The following UQCRFS1 variants were observed in gnomAD, a reference collection of about 807,000 sequenced individuals.
UQCRFS1 encodes ubiquinol-cytochrome c reductase, Rieske iron-sulfur polypeptide 1, also known as cytochrome b-c1 complex subunit Rieske, mitochondrial.
Under a neutral mutation model 15.6 loss-of-function variants are expected in UQCRFS1, and 6 were observed. That is an observed-to-expected ratio of 0.38 (90% CI 0.21 to 0.76). The LOEUF (loss-of-function observed/expected upper bound fraction) is 0.76. UQCRFS1 is among the 30% of genes least tolerant of loss of function. The probability of loss-of-function intolerance (pLI) is 0.44; values close to 1 mark genes in which losing one functional copy is unlikely to be tolerated. For synonymous variants in UQCRFS1, 105 were observed against 154.3 expected, an observed-to-expected ratio of 0.68 and a Z score of 2.37; for missense variants, 203 against 366.7, an observed-to-expected ratio of 0.55 and a Z score of 3.65.
At position 29,206,469 on chromosome 19, in the gene UQCRFS1, GAC is replaced by G. The variant is rs1266273963; in HGVS notation, c.*1077_*1078del. On this transcript the variant is annotated 3_prime_UTR_variant, in exon 2 of 2. Coordinates refer to ENST00000304863, the MANE Select transcript of UQCRFS1 (RefSeq NM_006003.3). ...GACTGGTCCACCTCTAAACAGCAAA[GAC>G]AAACACATCAAAAAGTGACTGTGAT... 1 of 152,212 alleles carries G rather than the reference GAC, an allele frequency of 6.6e-6. No individual in the cohort carries two copies. The highest frequency in any genetic ancestry group is 1.9e-4 in the East Asian group (1 of 5,156). 9.4% of individuals were successfully genotyped at this position (152,212 alleles called of 1,614,324 possible).
chr19:29,208,100 G>T lies in UQCRFS1; in HGVS notation c.273C>A (p.Tyr91Ter), dbSNP rs1976611025. Residue 91 changes from tyrosine (Y) to a stop codon, truncating the protein, a stop_gained, in exon 2 of 2, where the codon TAC (tyrosine) becomes TAA (stop). Coordinates refer to ENST00000304863, the MANE Select transcript of UQCRFS1 (RefSeq NM_006003.3). LOFTEE classifies it high-confidence loss of function. The part of the protein sequence containing the change: ...TDIKVPDFSE[Y>*]RRLEVLDSTK... Reference sequence around the variant, plus strand: ...TACTATCTAAAACTTCAAGGCGGCGGTATTCAGAGAAGTCAGGCACCTTGA... The same window carrying T: ...TACTATCTAAAACTTCAAGGCGGCGTTATTCAGAGAAGTCAGGCACCTTGA... The T allele has an allele frequency of 5.0e-6, 8 of 1,614,112 alleles. No homozygotes were observed. The highest frequency in any genetic ancestry group is 6.8e-6 in the Non-Finnish European group (8 of 1,179,980).
intron 1 of UQCRFS1, among the ~76,000 whole-genome samples, chr19:29,209,438 A>T (rs74654030): frequency 0.01 from 1,555 of 152,328 alleles, 11 homozygotes; most frequent in Middle Eastern, 0.017. Context: ...AATATGGAAT[A>T]CCTGAACTGC....
intron 1 of UQCRFS1, among the ~76,000 whole-genome samples, chr19:29,211,301 A>G (rs550807301): frequency 6.6e-6 from 1 of 152,332 alleles, no homozygotes; most frequent in Non-Finnish European, 1.5e-5. Flanking sequence ...ACTGGCCATC[A>G]GAGAAATGTA....
At position 29,208,161 on chromosome 19, in the gene UQCRFS1, G is replaced by C; in HGVS notation, c.215-3C>G. On this transcript the variant is annotated splice_region_variant and splice_polypyrimidine_tract_variant and intron_variant, in intron 1 of 1. Transcript: ENST00000304863. The stretch of plus-strand genomic sequence containing the variant: ...GGAATAACAAACAGAAGCAGGGACT[G>C]CAAGACAAACAGAAGGTTAAAAAAC... The C allele has an allele frequency of 1.2e-6, 2 of 1,602,494 alleles. No homozygotes were observed. The highest frequency in any genetic ancestry group is 1.1e-5 in the South Asian group (1 of 89,348).
At chr19:29,209,430 T>C (rs1013454440) in intron 1 of UQCRFS1, among the ~76,000 whole-genome samples, 8 of 152,192 alleles carry the variant, frequency 5.3e-5, no homozygotes, top group Non-Finnish European at 5.9e-5. Flanking sequence ...AACATTACAA[T>C]ATGGAATACC....
chr19:29,205,459 T>A lies in UQCRFS1; in HGVS notation c.*2089A>T, dbSNP rs1286962742. On this transcript the variant is annotated 3_prime_UTR_variant, in exon 2 of 2. Coordinates refer to ENST00000304863, the MANE Select transcript of UQCRFS1 (RefSeq NM_006003.3). ...GACAAATGCCCTCTATACACTCAGA[T>A]TGAGTCAAAGTTTTTACAAAGGTAT... is the stretch of plus-strand genomic sequence containing the variant. 1.3e-5 allele frequency: 2 copies of A among 152,234 alleles called. No homozygotes were observed. The highest frequency in any genetic ancestry group is 4.1e-4 in the South Asian group (2 of 4,832). 9.4% of individuals were successfully genotyped at this position (152,234 alleles called of 1,614,324 possible). A position where few individuals can be genotyped will look rare whatever the true frequency, so the allele number is the denominator to read the frequency against.
intron 1 of UQCRFS1, among the ~76,000 whole-genome samples, chr19:29,212,255 T>C (rs1221488814): frequency 6.6e-6 from 1 of 152,206 alleles, no homozygotes; most frequent in African/African-American, 2.4e-5. Context: ...CCACGGATCC[T>C]GGTGCGAGTC....
chr19:29,210,607 A>G (rs533304004), intron 1 of UQCRFS1, among the ~76,000 whole-genome samples: 1 of 148,648 alleles, frequency 6.7e-6, no homozygotes, highest in African/African-American at 2.5e-5. Context: ...GAGAACATGC[A>G]GTGTTTGTTT....
rs1034357626 is a variant in UQCRFS1, at chr19:29,206,180, G to A, written c.*1368C>T. On this transcript the variant is annotated 3_prime_UTR_variant, in exon 2 of 2. Transcript: ENST00000304863. ...CCGAAGAGTGCCTCCACTATCTAGAGACACAGAATATAAAATACTTCTGTG... is the reference window on the plus strand; with the variant it reads ...CCGAAGAGTGCCTCCACTATCTAGAAACACAGAATATAAAATACTTCTGTG... The A allele has an allele frequency of 3.3e-5, 5 of 151,300 alleles. No individual in the cohort carries two copies. Among genetic ancestry groups the A allele is most frequent in the Non-Finnish European group, 7.4e-5 (5 of 67,864 alleles). 9.4% of individuals were successfully genotyped at this position (151,300 alleles called of 1,614,324 possible). A position where few individuals can be genotyped will look rare whatever the true frequency, so the allele number is the denominator to read the frequency against.
rs1201480258 is a variant in UQCRFS1, at chr19:29,206,298, ATT to A, written c.*1248_*1249del. 3 of 152,290 alleles carry A rather than the reference ATT, an allele frequency of 2.0e-5. No individual in the cohort carries two copies. In the East Asian group the frequency reaches 5.8e-4, roughly 29 times the overall value. 9.4% of individuals were successfully genotyped at this position (152,290 alleles called of 1,614,324 possible). A position where few individuals can be genotyped will look rare whatever the true frequency, so the allele number is the denominator to read the frequency against. ...TACTCATAAGCATAGAAAGTTTGACATTTTCTTTTTTCTGTCAACACCTAGCT... is the reference window on the plus strand; with the variant it reads ...TACTCATAAGCATAGAAAGTTTGACATTCTTTTTTCTGTCAACACCTAGCT... On this transcript the variant is annotated 3_prime_UTR_variant, in exon 2 of 2. Transcript: ENST00000304863.
At chr19:29,211,133 G>A (rs1019786154) in intron 1 of UQCRFS1, among the ~76,000 whole-genome samples, 3 of 151,960 alleles carry the variant, frequency 2.0e-5, no homozygotes, top group Non-Finnish European at 2.9e-5. Context: ...CTACTCATCT[G>A]ACAAAGGGCT....
At chr19:29,211,065 G>A (rs1396420738) in intron 1 of UQCRFS1, among the ~76,000 whole-genome samples, 3 of 152,090 alleles carry the variant, frequency 2.0e-5, no homozygotes, top group Admixed American at 6.6e-5. Context: ...ACTGGTGTGA[G>A]ATGGTATCTC....
chr19:29,208,063 T>C lies in UQCRFS1; in HGVS notation c.310A>G (p.Arg104Gly), dbSNP rs547606246. ...CCTTTCCTAGCCTCGCTGCTTTCTCTTGAAGACTTCGTACTATCTAAAACT... is the reference window on the plus strand; with the variant it reads ...CCTTTCCTAGCCTCGCTGCTTTCTCCTGAAGACTTCGTACTATCTAAAACT... The part of the protein sequence containing the change: ...LEVLDSTKSS[R>G]ESSEARKGFS... The change falls in exon 2 of 2, where the codon AGA becomes GGA. Residue 104 changes from arginine (R) to glycine (G), a missense_variant. By Grantham distance (125) the Arg-to-Gly change is moderately radical (BLOSUM62 -2). Around this residue, in one of 3 missense-constraint regions of UQCRFS1, gnomAD observed 92 missense variants for 120.5 expected, o/e 0.76. Coordinates refer to ENST00000304863, the MANE Select transcript of UQCRFS1 (RefSeq NM_006003.3). 91 of 1,614,118 alleles carry C rather than the reference T, an allele frequency of 5.6e-5. No individual in the cohort carries two copies. Among genetic ancestry groups the C allele is most frequent in the Non-Finnish European group, 7.6e-5 (90 of 1,179,950 alleles).
rs1368466577 is a variant in UQCRFS1, at chr19:29,213,068, G to T, written c.51C>A (p.Ala17=). The T allele has an allele frequency of 6.8e-7, 1 of 1,472,566 alleles. No homozygotes were observed. The highest frequency in any genetic ancestry group is 8.9e-7 in the Non-Finnish European group (1 of 1,123,424). 91.2% of individuals were successfully genotyped at this position (1,472,566 alleles called of 1,614,324 possible). The change falls in exon 1 of 2, where the codon GCC becomes GCA. Residue 17 remains alanine, a synonymous_variant. Coordinates refer to ENST00000304863, the MANE Select transcript of UQCRFS1 (RefSeq NM_006003.3). ...RSGPFAPVLS[A]TSRGVAGALR... ...GCGCGCCCGCCACCCCGCGGGACGT[G>T]GCCGACAGGACGGGCGCGAACGGGC...
rs1281312071 is a variant in UQCRFS1, at chr19:29,206,265, C to A, written c.*1283G>T. 1 of 152,190 alleles carries A rather than the reference C, an allele frequency of 6.6e-6. No individual in the cohort carries two copies. Among genetic ancestry groups the A allele is most frequent in the Non-Finnish European group, 1.5e-5 (1 of 68,044 alleles). The allele number at this position is 152,190 out of a possible 1,614,324, so 9.4% of individuals were successfully genotyped here. On this transcript the variant is annotated 3_prime_UTR_variant, in exon 2 of 2. Coordinates refer to ENST00000304863, the MANE Select transcript of UQCRFS1 (RefSeq NM_006003.3). ...TAGAATGGTAAAAATGAAGCAAAGA[C>A]TAGTATCTACTCATAAGCATAGAAA...
intron 1 of UQCRFS1, among the ~76,000 whole-genome samples, chr19:29,208,966 G>A (rs989903974): frequency 1.2e-4 from 18 of 146,974 alleles, no homozygotes; most frequent in Non-Finnish European, 2.4e-4. Flanking sequence ...GTAAAAGTAG[G>A]GGTATTATCT....
rs776451259 is a variant in UQCRFS1, at chr19:29,207,505, G to A, written c.*43C>T. The A allele has an allele frequency of 3.0e-5, 46 of 1,528,912 alleles. No individual in the cohort carries two copies. Among genetic ancestry groups the A allele is most frequent in the East Asian group, 3.0e-4 (13 of 44,064 alleles). The allele number at this position is 1,528,912 out of a possible 1,614,324, so 94.7% of individuals were successfully genotyped here. A position where few individuals can be genotyped will look rare whatever the true frequency, so the allele number is the denominator to read the frequency against. Reference sequence around the variant, plus strand: ...TCCTCTCAAATAAGTCTCCTGAGGTGACATAAAGACTGAAAGAAGCCTATG... The same window carrying A: ...TCCTCTCAAATAAGTCTCCTGAGGTAACATAAAGACTGAAAGAAGCCTATG... On this transcript the variant is annotated 3_prime_UTR_variant, in exon 2 of 2. Transcript: ENST00000304863.
At chr19:29,212,780 G>A in intron 1 of UQCRFS1, 125 bp downstream of exon 1, 2 of 1,077,342 alleles carry the variant, frequency 1.9e-6, no homozygotes, top group African/African-American at 1.7e-5. Context: ...CCAGAGTTGC[G>A]GAGGCCGCCC....
intron 1 of UQCRFS1, among the ~76,000 whole-genome samples, chr19:29,211,859 C>A (rs566584657): frequency 8.4e-4 from 128 of 151,536 alleles, no homozygotes; most frequent in Middle Eastern, 3.6e-3. Context: ...ATCAGTGGAG[C>A]CAGGCTGGTA....
Sources: allele counts gnomAD v4.1 joint callset (sites outside exome capture counted in the v4.1 genomes callset), GRCh38; gene constraint gnomAD v4.1.1; regional missense constraint gnomAD v4.1.1; transcripts MANE v1.5; gene names NCBI Gene and HGNC (gene_info 2026-07-23, HGNC 2026-07-21).